ZNF718: variants seen among roughly 807,000 people sequenced by gnomAD.
ZNF718 encodes zinc finger protein 718.
ZNF718 carries 3 observed loss-of-function variants against 2.6 expected under a neutral mutation model. The observed-to-expected ratio is 1.16, with a 90% confidence interval of 0.53 to 3.01. The LOEUF is 3.01. ZNF718 is among the 30% of genes most tolerant of loss of function. The pLI is 0.03. For missense variants in ZNF718, 468 were observed against 230.0 expected, an observed-to-expected ratio of 2.03 and a Z score of -6.69; for synonymous variants, 135 against 77.9, an observed-to-expected ratio of 1.73 and a Z score of -3.86.
chr4:161,539 G>C lies in ZNF718; in HGVS notation c.854G>C (p.Cys285Ser). The C allele has an allele frequency of 1.3e-6, 1 of 780,766 alleles. No homozygotes were observed. The highest frequency in any genetic ancestry group is 1.7e-5 in the Admixed American group (1 of 59,012). 48.4% of individuals were successfully genotyped at this position (780,766 alleles called of 1,614,324 possible). A position where few individuals can be genotyped will look rare whatever the true frequency, so the allele number is the denominator to read the frequency against. The change falls in exon 4 of 4, where the codon TGT (cysteine) becomes TCT (serine). Residue 285 changes from cysteine (C) to serine (S), a missense_variant. Coordinates refer to ENST00000510175, the MANE Select transcript of ZNF718 (RefSeq NM_001039127.6). ...CATTCTGCACAAAAATACTACAAAT[G>C]TGAAGAATGTGGTAAAGCCTTTAAG... ...RIHSAQKYYKCEECGKAFKWS... is the reference protein window; with the variant it reads ...RIHSAQKYYKSEECGKAFKWS...
chr4:171,535 C>T lies in ZNF718; in HGVS notation c.227-29546C>T, dbSNP rs574923343. Among the ~76,000 whole-genome samples, 20 of 152,238 alleles carry T rather than the reference C, an allele frequency of 1.3e-4. 1 individual carries two copies. The highest frequency in any genetic ancestry group is 2.4e-4 in the Non-Finnish European group (16 of 68,020). On this transcript the variant is annotated intron_variant and NMD_transcript_variant, in intron 3 of 4. Transcript: ENST00000642529. ...CCGCTTTGTTTACCCCCTCAAGCCT[C>T]GGCAATGGTGGGCGCCCCTCCCCCA...
intron 3 of ZNF718, among the ~76,000 whole-genome samples, chr4:137,516 A>G (rs1257661425): frequency 6.6e-6 from 1 of 151,984 alleles, no homozygotes; most frequent in African/African-American, 2.4e-5. Flanking sequence ...GACATTTGTT[A>G]TTTTTTGTTT....
chr4:175,581 G>A (rs1553818948), intron 3 of ZNF718, among the ~76,000 whole-genome samples: 1 of 152,132 alleles, frequency 6.6e-6, no homozygotes, highest in African/African-American at 2.4e-5. Context: ...GCAGCACCAG[G>A]AGTTCCAATA....
In ZNF718 at chr4:161,669, A is replaced by ATTT. The variant is rs1716869939; in HGVS notation, c.984_985insTTT (p.Lys328_His329insPhe). 7 of 779,480 alleles carry ATTT rather than the reference A, an allele frequency of 9.0e-6. No homozygotes were observed. The highest frequency in any genetic ancestry group is 1.4e-5 in the Non-Finnish European group (6 of 417,252). 48.3% of individuals were successfully genotyped at this position (779,480 alleles called of 1,614,324 possible). On this transcript the variant is annotated inframe_insertion, in exon 4 of 4. Transcript: ENST00000510175. ...TTACCACATCCTCAGACTTTGCTAA[A>ATTT]CATAAGAGAATTCATACAGGAGAGA...
intron 3 of ZNF718, among the ~76,000 whole-genome samples, chr4:158,124 T>C (rs1439457498): frequency 6.6e-6 from 1 of 152,172 alleles, no homozygotes; most frequent in East Asian, 1.9e-4. Flanking sequence ...TTATAAGCTT[T>C]TAGTTAAGGC....
At position 161,945 on chromosome 4, in the gene ZNF718, G is replaced by A. The variant is rs1276489088; in HGVS notation, c.1260G>A (p.Glu420=). Residue 420 remains glutamate (E), a synonymous_variant, in exon 4 of 4, where the codon GAG becomes GAA. Coordinates refer to ENST00000510175, the MANE Select transcript of ZNF718 (RefSeq NM_001039127.6). ...LHNHKKIHTG[E]KPYICKQCGK... ...ATCATAAGAAAATTCATACTGGAGAGAAACCCTACATATGTAAACAATGTG... is the reference window on the plus strand; with the variant it reads ...ATCATAAGAAAATTCATACTGGAGAAAAACCCTACATATGTAAACAATGTG... 8 of 779,868 alleles carry A rather than the reference G, an allele frequency of 1.0e-5. No homozygotes were observed. The Middle Eastern group carries it at 9.0e-4, about 88-fold the overall frequency. The allele number at this position is 779,868 out of a possible 1,614,324, so 48.3% of individuals were successfully genotyped here.
intron 3 of ZNF718, chr4:200,990 A>T (rs1337043620): frequency 6.6e-6 from 1 of 152,378 alleles, no homozygotes; most frequent in South Asian, 2.1e-4. Flanking sequence ...ACGCAGATAC[A>T]TTAAAGGCTG....
At chr4:132,056 A>C (rs1715362971) in intron 3 of ZNF718, among the ~76,000 whole-genome samples, 1 of 96,154 alleles carries the variant, frequency 1.0e-5, no homozygotes, top group Admixed American at 1.1e-4. Context: ...AAAAAAAAAA[A>C]AACCCAGGAG....
chr4:174,788 G>A (rs1717315764), intron 3 of ZNF718, among the ~76,000 whole-genome samples: 1 of 152,100 alleles, frequency 6.6e-6, no homozygotes, highest in African/African-American at 2.4e-5. Context: ...TCTTGATTTG[G>A]GCATCCACGG....
At chr4:173,026 A>G (rs549238920) in intron 3 of ZNF718, among the ~76,000 whole-genome samples, 7 of 152,158 alleles carry the variant, frequency 4.6e-5, no homozygotes, top group Non-Finnish European at 8.8e-5. Context: ...GCCTGAAGAC[A>G]GAGTGAGACT....
At chr4:136,847 G>A (rs1322253806) in intron 3 of ZNF718, among the ~76,000 whole-genome samples, 2 of 152,178 alleles carry the variant, frequency 1.3e-5, no homozygotes, top group Non-Finnish European at 2.9e-5. Flanking sequence ...CTATTGAAGG[G>A]TGTTTGAGTT....
intron 3 of ZNF718, among the ~76,000 whole-genome samples, chr4:179,257 A>C (rs1269120997): frequency 2.6e-5 from 4 of 152,174 alleles, no homozygotes; most frequent in African/African-American, 9.7e-5. Flanking sequence ...GTTTGTCTTT[A>C]TGCCAATATC....
intron 3 of ZNF718, among the ~76,000 whole-genome samples, chr4:184,222 G>T (rs1717521039): frequency 6.6e-6 from 1 of 152,112 alleles, no homozygotes; most frequent in African/African-American, 2.4e-5. Flanking sequence ...CATGAAGGAT[G>T]TTGAATTTTA....
At chr4:201,016 T>C (rs1374729856) in intron 3 of ZNF718, 2 of 152,250 alleles carry the variant, frequency 1.3e-5, no homozygotes, top group Middle Eastern at 3.2e-3. Flanking sequence ...TAATGAGTGG[T>C]TTTAATATTT....
chr4:146,408 T>C (rs188518352), intron 3 of ZNF718, among the ~76,000 whole-genome samples: 46 of 152,232 alleles, frequency 3.0e-4, no homozygotes, highest in Middle Eastern at 3.4e-3. Flanking sequence ...CTGATAACCT[T>C]ATAGATGTTC....
At chr4:196,942 C>T (rs1717803506) in intron 3 of ZNF718, among the ~76,000 whole-genome samples, 1 of 150,950 alleles carries the variant, frequency 6.6e-6, no homozygotes, top group African/African-American at 2.4e-5. Context: ...TTGGAGAATC[C>T]CCATATGAGG....
intron 3 of ZNF718, among the ~76,000 whole-genome samples, chr4:171,325 A>G (rs1370818261): frequency 6.6e-6 from 1 of 152,148 alleles, no homozygotes; most frequent in African/African-American, 2.4e-5. Context: ...GTCTGTTCTC[A>G]GATGTCCAGC....
chr4:143,115 G>T (rs1307717970), intron 3 of ZNF718, among the ~76,000 whole-genome samples: 1 of 152,182 alleles, frequency 6.6e-6, no homozygotes, highest in Non-Finnish European at 1.5e-5. Context: ...AATCCAAAAT[G>T]ATGGTAACTG....
chr4:169,496 C>G (rs1022858311), intron 3 of ZNF718, among the ~76,000 whole-genome samples: 16 of 152,048 alleles, frequency 1.1e-4, no homozygotes, highest in South Asian at 4.2e-4. Context: ...AAGTCTCTTT[C>G]TAGGTCTCTA....
Sources: gnomAD v4.1 joint callset for allele counts (sites outside exome capture counted in the v4.1 genomes callset) on GRCh38, gnomAD v4.1.1 for gene constraint, MANE v1.5 for transcripts, NCBI Gene and HGNC (gene_info 2026-07-23, HGNC 2026-07-21) for gene names.